The following EXOSC2 variants were observed in gnomAD, a reference collection of about 807,000 sequenced individuals.
The protein encoded by EXOSC2 is exosome component 2.
EXOSC2 carries 29 observed loss-of-function variants against 37.6 expected under a neutral mutation model. The ratio of observed to expected loss-of-function variants is 0.77; its 90% CI spans 0.57 to 1.05. EXOSC2 has a LOEUF of 1.05. Among genes scored for constraint, EXOSC2 ranks in the 50% least tolerant of loss-of-function variants. EXOSC2 has a pLI of 0.00. For missense variants in EXOSC2, 346 were observed against 365.6 expected (o/e 0.95, Z 0.44); for synonymous variants, 119 against 131.1 (o/e 0.91, Z 0.63).
rs760612702 is a variant in EXOSC2, at chr9:130,697,619, A to G, written c.262A>G (p.Ile88Val). Residue 88 changes from isoleucine (I) to valine (V), a missense_variant, in exon 3 of 9, where the codon ATC (isoleucine) becomes GTC (valine). Ile to Val is a conservative substitution (Grantham distance 29, BLOSUM62 3). Transcript: ENST00000372358. ...GEVGDIVVGR[I>V]TEVQQKRWKV... is the part of the protein sequence containing the mutation. ...AGTAGGAGACATCGTAGTGGGACGA[A>G]TCACAGAGGTAACGTCGATATCAGA... 2.5e-6 allele frequency: 4 copies of G among 1,614,144 alleles called. No homozygotes were observed. Among genetic ancestry groups the G allele is most frequent in the Non-Finnish European group, 3.4e-6 (4 of 1,179,988 alleles).
At chr9:130,697,092 A>G (rs762204482) in intron 2 of EXOSC2, among the ~76,000 whole-genome samples, 2 of 152,182 alleles carry the variant, frequency 1.3e-5, no homozygotes, top group Non-Finnish European at 2.9e-5. Flanking sequence ...CCGAAAAGTG[A>G]AGAGGTCTAA....
intron 7 of EXOSC2, among the ~76,000 whole-genome samples, 159 bp from the exon 8 acceptor site, chr9:130,702,894 C>CA (rs906023581): frequency 2.0e-5 from 3 of 152,228 alleles, no homozygotes; most frequent in African/African-American, 7.2e-5. Flanking sequence ...CACCCTGCCC[C>CA]ATTCCTTTTA....
rs372156461 is a variant in EXOSC2 at position 130,702,137 on chromosome 9, G to A, written c.499G>A (p.Gly167Ser). Residue 167 changes from glycine to serine, a missense_variant, in exon 7 of 9, where the codon GGT becomes AGT. Coordinates refer to ENST00000372358, the MANE Select transcript of EXOSC2 (RefSeq NM_014285.7). Reference sequence around the variant, plus strand: ...GCTTCGTGATATATTTCTTTAGCTAGGTCAGGGGGTTTTGGTCCAGGTTTC... The same window carrying A: ...GCTTCGTGATATATTTCTTTAGCTAAGTCAGGGGGTTTTGGTCCAGGTTTC... Reference protein sequence around the residue: ...HTRSLKYGKLGQGVLVQVSPS... With the variant: ...HTRSLKYGKLSQGVLVQVSPS... 8 of 1,613,838 alleles carry A rather than the reference G, an allele frequency of 5.0e-6. No homozygotes were observed. Among genetic ancestry groups the A allele is most frequent in the Non-Finnish European group, 6.8e-6 (8 of 1,179,970 alleles).
rs185974439 is a variant in EXOSC2, at chr9:130,700,942, C to G, written c.495+7C>G. On this transcript the variant is annotated splice_region_variant and intron_variant, in intron 6 of 8. Coordinates refer to ENST00000372358, the MANE Select transcript of EXOSC2 (RefSeq NM_014285.7). The stretch of plus-strand genomic sequence containing the variant: ...GAGCCTGAAATATGGAAAAGTAAGT[C>G]GGGCTCTTGATGTTCCTGTTTGCTG... 1 of 1,613,844 alleles carries G rather than the reference C, an allele frequency of 6.2e-7. No individual in the cohort carries two copies. The highest frequency in any genetic ancestry group is 2.2e-5 in the East Asian group (1 of 44,882).
At chr9:130,699,734 A>G (rs111236987) in intron 5 of EXOSC2, 2 of 238,020 alleles carry the variant, frequency 8.4e-6, no homozygotes, top group Non-Finnish European at 8.3e-6. Context: ...GAGTGTGGTG[A>G]CTCATGCCTG....
At chr9:130,701,214 G>C in intron 6 of EXOSC2, 2 of 360,714 alleles carry the variant, frequency 5.5e-6, no homozygotes, top group South Asian at 2.8e-5. Flanking sequence ...GGGCTGGGAG[G>C]TGCAGCTGTC....
chr9:130,703,606 G>C, intron 8 of EXOSC2, 88 bp from the exon 9 acceptor site: 2 of 1,036,198 alleles, frequency 1.9e-6, no homozygotes, highest in South Asian at 3.1e-5. Context: ...GAAAGTTTAT[G>C]TTAACGGCTT....
rs1831144542 is a variant in EXOSC2 at position 130,698,445 on chromosome 9, G to A, written c.360+194G>A. ...TCCAGGTCTCCCGAAAGAGGGAGCA[G>A]TTGGCATATGGTAGGATCAGAAACA... On this transcript the variant is annotated intron_variant, in intron 4 of 8. Transcript: ENST00000372358. This position sits in a 1 kb window ranked among gnomAD's most constrained non-coding sequence, Gnocchi z 4.1. 6.6e-6 allele frequency among the ~76,000 whole-genome samples: 1 copy of A among 152,252 alleles called. No homozygotes were observed. The highest frequency in any genetic ancestry group is 1.5e-5 in the Non-Finnish European group (1 of 68,044).
chr9:130,695,062 T>G (rs1831063608), intron 1 of EXOSC2, among the ~76,000 whole-genome samples: 1 of 152,116 alleles, frequency 6.6e-6, no homozygotes, highest in Non-Finnish European at 1.5e-5. Context: ...CAACATATAT[T>G]TTGTGCAGTT....
In EXOSC2 at chr9:130,694,881, T is replaced by G. The variant is rs1289252853; in HGVS notation, c.123-611T>G. Among the ~76,000 whole-genome samples the G allele has an allele frequency of 1.3e-5, 2 of 151,878 alleles. No homozygotes were observed. Among genetic ancestry groups the G allele is most frequent in the Non-Finnish European group, 2.9e-5 (2 of 67,964 alleles). ...CCATGCCTAGCTAATTTTTGGTTTT[T>G]TTTTTTTTTAGTAGAGACAGGGTTT... On this transcript the variant is annotated intron_variant, in intron 1 of 8. Coordinates refer to ENST00000372358, the MANE Select transcript of EXOSC2 (RefSeq NM_014285.7). This position sits in a 1 kb window ranked among gnomAD's most constrained non-coding sequence, Gnocchi z 4.0.
rs911528037 is a variant in EXOSC2, at chr9:130,694,393, G to A, written c.122+480G>A. Among the ~76,000 whole-genome samples the A allele has an allele frequency of 1.3e-5, 2 of 152,182 alleles. No individual in the cohort carries two copies. Among genetic ancestry groups the A allele is most frequent in the African/African-American group, 4.8e-5 (2 of 41,416 alleles). On this transcript the variant is annotated intron_variant, in intron 1 of 8. Coordinates refer to ENST00000372358, the MANE Select transcript of EXOSC2 (RefSeq NM_014285.7). The surrounding 1 kb of genome is among the most constrained non-coding windows in gnomAD (Gnocchi z 4.0). Reference sequence around the variant, plus strand: ...TTTTGAATCTAAGGGGTGTAGTGCAGTGTATTGTGGTTAAGAGGGAAGGCT... The same window carrying A: ...TTTTGAATCTAAGGGGTGTAGTGCAATGTATTGTGGTTAAGAGGGAAGGCT...
Position 130,695,983 on chromosome 9 carries a change from C to T in EXOSC2, c.224+390C>T, listed in dbSNP as rs541651233. Among the ~76,000 whole-genome samples the T allele has an allele frequency of 2.0e-5, 3 of 151,614 alleles. No individual in the cohort carries two copies. In the South Asian group the frequency reaches 6.3e-4, roughly 32 times the overall value. ...TCAAACAATTCTCCTTCTTCAGCCT[C>T]CCGAGTAGCTGGGATTACAGGCGCC... On this transcript the variant is annotated intron_variant, in intron 2 of 8. Coordinates refer to ENST00000372358, the MANE Select transcript of EXOSC2 (RefSeq NM_014285.7).
intron 1 of EXOSC2, 49 bp downstream of exon 1, chr9:130,693,962 C>A: frequency 6.4e-7 from 1 of 1,556,190 alleles, no homozygotes; most frequent in Non-Finnish European, 8.7e-7. Flanking sequence ...GGCTTCAGGG[C>A]TCTCTGCACG....
In EXOSC2 at chr9:130,695,571, T is replaced by G. The variant is rs377234336; in HGVS notation, c.202T>G (p.Cys68Gly). 2 of 1,614,204 alleles carry G rather than the reference T, an allele frequency of 1.2e-6. No homozygotes were observed. The highest frequency in any genetic ancestry group is 1.7e-6 in the Non-Finnish European group (2 of 1,180,014). ...TGTGGAGAGAGTAAACAAGTTGATC[T>G]GTGTGAAAGCTTTGAAAACCAGGTG... ...GSVERVNKLI[C>G]VKALKTRYIG... Residue 68 changes from cysteine (C) to glycine (G), a missense_variant, in exon 2 of 9, where the codon TGT becomes GGT. Physicochemically the swap from Cys to Gly is radical, Grantham distance 159. Coordinates refer to ENST00000372358, the MANE Select transcript of EXOSC2 (RefSeq NM_014285.7).
At position 130,702,225 on chromosome 9, in the gene EXOSC2, T is replaced by A; in HGVS notation, c.587T>A (p.Ile196Asn). Residue 196 changes from isoleucine (I) to asparagine (N), a missense_variant, in exon 7 of 9, where the codon ATT (isoleucine) becomes AAT (asparagine). Ile to Asn is a moderately radical substitution (Grantham distance 149, BLOSUM62 -3). Coordinates refer to ENST00000372358, the MANE Select transcript of EXOSC2 (RefSeq NM_014285.7). ...FHDLPCGASV[I>N]LGNNGFIWIY... is the part of the protein sequence containing the mutation. Reference sequence around the variant, plus strand: ...GATTTGCCATGTGGTGCCTCAGTGATTCTCGGTAACAACGGCTTCATCTGG... The same window carrying A: ...GATTTGCCATGTGGTGCCTCAGTGAATCTCGGTAACAACGGCTTCATCTGG... 6.2e-7 allele frequency: 1 copy of A among 1,614,142 alleles called. No homozygotes were observed. The highest frequency in any genetic ancestry group is 8.5e-7 in the Non-Finnish European group (1 of 1,180,028).
Position 130,704,657 on chromosome 9 carries a change from C to G in EXOSC2, c.*883C>G, listed in dbSNP as rs1296732628. 1 of 151,930 alleles carries G rather than the reference C, an allele frequency of 6.6e-6. No individual in the cohort carries two copies. The highest frequency in any genetic ancestry group is 6.6e-5 in the Admixed American group (1 of 15,232). The allele number at this position is 151,930 out of a possible 1,614,324, so 9.4% of individuals were successfully genotyped here. A position where few individuals can be genotyped will look rare whatever the true frequency, so the allele number is the denominator to read the frequency against. ...TTAATCTGTCCTGCTTGGAGAGTGACTTGTAAGATGCTGAATTATTCATGA... is the reference window on the plus strand; with the variant it reads ...TTAATCTGTCCTGCTTGGAGAGTGAGTTGTAAGATGCTGAATTATTCATGA... On this transcript the variant is annotated 3_prime_UTR_variant, in exon 9 of 9. Coordinates refer to ENST00000372358, the MANE Select transcript of EXOSC2 (RefSeq NM_014285.7).
Position 130,702,285 on chromosome 9 carries a change from C to T in EXOSC2, c.647C>T (p.Ala216Val), listed in dbSNP as rs763004873. ...YPTPEHKEEEAGGFIANLEPV... is the reference protein window; with the variant it reads ...YPTPEHKEEEVGGFIANLEPV... The stretch of plus-strand genomic sequence containing the variant: ...ACACCTGAGCACAAAGAAGAGGAAG[C>T]AGGGGGCTTCATTGCAAACCTGGAG... Residue 216 changes from alanine (A) to valine (V), a missense_variant, in exon 7 of 9, where the codon GCA (alanine) becomes GTA (valine). By Grantham distance (64) the Ala-to-Val change is moderately conservative (BLOSUM62 0). Transcript: ENST00000372358. 1.1e-5 allele frequency: 18 copies of T among 1,613,918 alleles called. No homozygotes were observed. Among genetic ancestry groups the T allele is most frequent in the East Asian group, 8.9e-5 (4 of 44,890 alleles).
chr9:130,699,369 T>A lies in EXOSC2; in HGVS notation c.401T>A (p.Phe134Tyr). ...GAAGATGAGCTTGCAATGAGAGGTTTCTTACAGGAAGGGGACCTTATCAGT... is the reference window on the plus strand; with the variant it reads ...GAAGATGAGCTTGCAATGAGAGGTTACTTACAGGAAGGGGACCTTATCAGT... Reference protein sequence around the residue: ...SAEDELAMRGFLQEGDLISAE... With the variant: ...SAEDELAMRGYLQEGDLISAE... Residue 134 changes from phenylalanine (F) to tyrosine (Y), a missense_variant, in exon 5 of 9, where the codon TTC (phenylalanine) becomes TAC (tyrosine). Transcript: ENST00000372358. 6.2e-7 allele frequency: 1 copy of A among 1,614,212 alleles called. No homozygotes were observed. The highest frequency in any genetic ancestry group is 1.6e-4 in the Middle Eastern group (1 of 6,062).
chr9:130,700,364 TA>T (rs1429247403), intron 5 of EXOSC2, among the ~76,000 whole-genome samples: 87 of 147,854 alleles, frequency 5.9e-4, no homozygotes, highest in African/African-American at 2.0e-3. Context: ...TTTATTTATT[TA>T]TTTATTTTTT....
Sources: allele counts gnomAD v4.1 joint callset (sites outside exome capture counted in the v4.1 genomes callset), GRCh38; gene constraint gnomAD v4.1.1; non-coding constraint Gnocchi (gnomAD v3.1); transcripts MANE v1.5; gene names NCBI Gene and HGNC (gene_info 2026-07-23, HGNC 2026-07-21).